The following CIB4 variants were observed in gnomAD, a reference collection of about 807,000 sequenced individuals.
CIB4 encodes calcium and integrin binding family member 4, also known as calcium and integrin-binding family member 4.
In CIB4, 25 loss-of-function variants were observed where a neutral mutation model predicts 25.8. The observed-to-expected ratio is 0.97, with a 90% CI of 0.71 to 1.35. The LOEUF (loss-of-function observed/expected upper bound fraction) is 1.35. CIB4 is among the 40% of genes most tolerant of loss of function. The pLI, the probability that CIB4 is intolerant of heterozygous loss-of-function variation, is 0.00. For missense variants in CIB4, 235 were observed against 228.2 expected (o/e 1.03, Z -0.19); for synonymous variants, 75 against 81.4 (o/e 0.92, Z 0.42).
chr2:26,624,864 T>C (rs1384381648), intron 3 of CIB4, among the ~76,000 whole-genome samples: 2 of 151,932 alleles, frequency 1.3e-5, no homozygotes, highest in Non-Finnish European at 2.9e-5. Context: ...ATTTTTTTTA[T>C]ATAGGCATTA....
intron 2 of CIB4, among the ~76,000 whole-genome samples, chr2:26,639,154 A>G (rs1669588348): frequency 6.7e-6 from 1 of 150,366 alleles, no homozygotes; most frequent in Non-Finnish European, 1.5e-5. Context: ...GAATGGAGAC[A>G]TTTTCTTTTC....
chr2:26,616,192 T>C (rs1251093587), intron 3 of CIB4, among the ~76,000 whole-genome samples: 2 of 152,208 alleles, frequency 1.3e-5, no homozygotes, highest in African/African-American at 4.8e-5. Flanking sequence ...TCCCACACCG[T>C]GCTGGGCACA....
intron 3 of CIB4, among the ~76,000 whole-genome samples, chr2:26,625,599 G>T (rs903422054): frequency 6.6e-6 from 1 of 152,130 alleles, no homozygotes; most frequent in South Asian, 2.1e-4. Context: ...TGATCCACCC[G>T]CTTCGGCCTC....
chr2:26,603,088 T>C (rs1668823726), intron 3 of CIB4, among the ~76,000 whole-genome samples: 3 of 152,076 alleles, frequency 2.0e-5, no homozygotes, highest in Admixed American at 2.0e-4. Context: ...ACTTCTGTGG[T>C]ATTTGCACAA....
chr2:26,628,103 A>G (rs1669343335), intron 3 of CIB4, among the ~76,000 whole-genome samples: 1 of 152,232 alleles, frequency 6.6e-6, no homozygotes, highest in African/African-American at 2.4e-5. Flanking sequence ...AAAATAGAGA[A>G]GCCTGACGTA....
At chr2:26,599,314 G>C (rs1038004875) in intron 3 of CIB4, among the ~76,000 whole-genome samples, 1 of 152,114 alleles carries the variant, frequency 6.6e-6, no homozygotes, top group Non-Finnish European at 1.5e-5. Flanking sequence ...CCCAAATTCT[G>C]GGAGTTTTTT....
chr2:26,590,474 C>T (rs919944183), intron 4 of CIB4, among the ~76,000 whole-genome samples: 44 of 152,046 alleles, frequency 2.9e-4, no homozygotes, highest in African/African-American at 1.0e-3. Context: ...TGGGCCACAC[C>T]GGGGGTAGCA....
intron 3 of CIB4, among the ~76,000 whole-genome samples, chr2:26,607,751 G>A (rs1668918063): frequency 6.6e-6 from 1 of 152,230 alleles, no homozygotes; most frequent in African/African-American, 2.4e-5. Context: ...GGCTCTGGTA[G>A]AGCTGTTCAT....
chr2:26,584,027 C>T (rs1294222867), intron 4 of CIB4, 129 bp from the exon 5 acceptor site: 3 of 627,398 alleles, frequency 4.8e-6, no homozygotes, highest in Non-Finnish European at 8.6e-6. Context: ...GGGAGGCCCC[C>T]CAGAGCCCAA....
chr2:26,616,523 G>A (rs898966078), intron 3 of CIB4, among the ~76,000 whole-genome samples: 15 of 152,160 alleles, frequency 9.9e-5, no homozygotes, highest in Non-Finnish European at 2.2e-4. Flanking sequence ...TTGGGGACTT[G>A]GGAATCAGAC....
rs150549864 is a variant in CIB4, at chr2:26,633,495, C to T, written c.90-3989G>A. Among the ~76,000 whole-genome samples, 380 of 152,240 alleles carry T rather than the reference C, an allele frequency of 2.5e-3. 13 individuals carry two copies. The East Asian group carries it at 0.034, about 13-fold the overall frequency. On this transcript the variant is annotated intron_variant, in intron 2 of 6. Coordinates refer to ENST00000288861, the MANE Select transcript of CIB4 (RefSeq NM_001029881.3). ...CCACCCTTCTTCCAGGTGAGAGACTCGAGTCACCCCCCTGGAAAGTCCTCT... is the reference window on the plus strand; with the variant it reads ...CCACCCTTCTTCCAGGTGAGAGACTTGAGTCACCCCCCTGGAAAGTCCTCT...
intron 3 of CIB4, among the ~76,000 whole-genome samples, chr2:26,611,998 A>G (rs893055396): frequency 2.6e-5 from 4 of 152,258 alleles, no homozygotes; most frequent in Non-Finnish European, 5.9e-5. Context: ...ATTTCTTAAA[A>G]TTTTATTTTA....
At chr2:26,596,629 C>T (rs1030115328) in intron 3 of CIB4, among the ~76,000 whole-genome samples, 1 of 151,956 alleles carries the variant, frequency 6.6e-6, no homozygotes, top group Non-Finnish European at 1.5e-5. Flanking sequence ...TGCCTGTAAT[C>T]CCAGCTACTC....
At chr2:26,603,067 TG>T (rs35710091) in intron 3 of CIB4, among the ~76,000 whole-genome samples, 3 of 37,750 alleles carry the variant, frequency 7.9e-5, no homozygotes, top group South Asian at 9.1e-4. Flanking sequence ...CGGGGTGGGG[TG>T]GGGGGGTTCA....
chr2:26,620,016 A>G (rs1669173304), intron 3 of CIB4, among the ~76,000 whole-genome samples: 1 of 148,192 alleles, frequency 6.7e-6, no homozygotes, highest in Admixed American at 6.7e-5. Context: ...GGAATCCCCT[A>G]CAGACTCTGC....
At chr2:26,589,000 T>TTCCTCTTCC (rs1311759688) in intron 4 of CIB4, among the ~76,000 whole-genome samples, 6 of 13,326 alleles carry the variant, frequency 4.5e-4, no homozygotes, top group African/African-American at 1.3e-3. Flanking sequence ...CTTCTTCTTC[T>TTCCTCTTCC]TCTTCTTCTT....
At chr2:26,617,145 T>TGTGTGTGC (rs1381689008) in intron 3 of CIB4, among the ~76,000 whole-genome samples, 3 of 139,026 alleles carry the variant, frequency 2.2e-5, no homozygotes, top group African/African-American at 7.7e-5. Flanking sequence ...TGTGTGTGTG[T>TGTGTGTGC]GTGCACGTGA....
At chr2:26,586,537 C>T (rs958841318) in intron 4 of CIB4, among the ~76,000 whole-genome samples, 1 of 152,238 alleles carries the variant, frequency 6.6e-6, no homozygotes, top group Admixed American at 6.5e-5. Context: ...CAAGGGCAGA[C>T]ATCTTTGTCT....
chr2:26,632,311 G>A (rs1669435627), intron 2 of CIB4, among the ~76,000 whole-genome samples: 1 of 152,216 alleles, frequency 6.6e-6, no homozygotes, highest in African/African-American at 2.4e-5. Flanking sequence ...AGGGTCTAGA[G>A]ACTGCACACG....
Sources: allele counts gnomAD v4.1 joint callset (sites outside exome capture counted in the v4.1 genomes callset), GRCh38; gene constraint gnomAD v4.1.1; transcripts MANE v1.5; gene names NCBI Gene and HGNC (gene_info 2026-07-23, HGNC 2026-07-21).